SEPTIN9: variants seen among roughly 807,000 people sequenced by gnomAD.
The protein encoded by SEPTIN9 is septin-9.
A neutral mutation model predicts 56.6 loss-of-function variants in SEPTIN9; 13 were observed. The observed-to-expected ratio is 0.23, with a 90% CI of 0.15 to 0.37. The LOEUF is 0.37. Among genes scored for constraint, SEPTIN9 ranks in the 10% least tolerant of loss-of-function variants. The probability of loss-of-function intolerance (pLI) is 1.00; values close to 1 mark genes in which losing one functional copy is unlikely to be tolerated. For synonymous variants in SEPTIN9, 332 were observed against 334.1 expected (o/e 0.99, Z 0.07); for missense variants, 650 against 823.1 (o/e 0.79, Z 2.57).
At chr17:77,391,631 G>A (rs552655806) in intron 2 of SEPTIN9, among the ~76,000 whole-genome samples, 3 of 152,298 alleles carry the variant, frequency 2.0e-5, no homozygotes, top group Admixed American at 6.5e-5. Flanking sequence ...AAGACATATC[G>A]TTTTGGGGGA....
chr17:77,440,048 A>G (rs1468603120), intron 3 of SEPTIN9, among the ~76,000 whole-genome samples: 3 of 152,084 alleles, frequency 2.0e-5, no homozygotes, highest in African/African-American at 7.2e-5. Context: ...GCAGGGAGGG[A>G]AGGAATGAAG....
rs1176575968 is a variant in SEPTIN9, at chr17:77,313,587, G to T, written c.76+6390G>T. Among the ~76,000 whole-genome samples the T allele has an allele frequency of 6.6e-6, 1 of 152,132 alleles. No homozygotes were observed. Among genetic ancestry groups the T allele is most frequent in the Non-Finnish European group, 1.5e-5 (1 of 67,990 alleles). ...GGGCCAGGCTGGGGCCAGCCTGGAG[G>T]GTCTTGGCTGGCTCTGCTGGCAGGT... On this transcript the variant is annotated intron_variant, in intron 2 of 11. Transcript: ENST00000427177. The surrounding 1 kb of genome is among the most constrained non-coding windows in gnomAD (Gnocchi z 4.5).
At chr17:77,420,159 T>G (rs947652686) in intron 3 of SEPTIN9, among the ~76,000 whole-genome samples, 8 of 152,166 alleles carry the variant, frequency 5.3e-5, no homozygotes, top group Non-Finnish European at 1.2e-4. Context: ...GACAGCCTGG[T>G]CAGGCTGCAG....
intron 2 of SEPTIN9, among the ~76,000 whole-genome samples, chr17:77,365,320 CTT>C (rs1012774777): frequency 3.3e-5 from 5 of 152,074 alleles, no homozygotes; most frequent in African/African-American, 1.2e-4. Flanking sequence ...CTTTCTCTCT[CTT>C]TCTCTCTTTC....
Position 77,451,620 on chromosome 17 carries a change from G to A in SEPTIN9, c.722-30524G>A. On this transcript the variant is annotated intron_variant, in intron 3 of 11. Coordinates refer to ENST00000427177, the MANE Select transcript of SEPTIN9 (RefSeq NM_001113491.2). The surrounding 1 kb of genome is among the most constrained non-coding windows in gnomAD (Gnocchi z 4.2). ...CCGCGAGGCGGACCCTGATGGCCAT[G>A]GTGGCGGTGCCGGGAGCCACGCTGT... is the stretch of plus-strand genomic sequence containing the variant. The A allele has an allele frequency of 1.1e-6, 1 of 920,672 alleles. No individual in the cohort carries two copies. The highest frequency in any genetic ancestry group is 1.3e-6 in the Non-Finnish European group (1 of 770,808). The allele number at this position is 920,672 out of a possible 1,614,324, so 57.0% of individuals were successfully genotyped here.
In SEPTIN9 at chr17:77,347,271, G is replaced by A. The variant is rs183743419; in HGVS notation, c.76+40074G>A. 7.3e-5 allele frequency among the ~76,000 whole-genome samples: 11 copies of A among 151,688 alleles called. No individual in the cohort carries two copies. In the East Asian group the frequency reaches 1.8e-3, roughly 24 times the overall value. ...CAGGCTCCTGTAATCCCAGCTACTCGGGAGGCTGAGGCAGGAGAATCGCTT... is the reference window on the plus strand; with the variant it reads ...CAGGCTCCTGTAATCCCAGCTACTCAGGAGGCTGAGGCAGGAGAATCGCTT... On this transcript the variant is annotated intron_variant, in intron 2 of 11. Transcript: ENST00000427177.
At chr17:77,321,303 G>C (rs555243962) in intron 2 of SEPTIN9, among the ~76,000 whole-genome samples, 1 of 152,034 alleles carries the variant, frequency 6.6e-6, no homozygotes, top group African/African-American at 2.4e-5. Flanking sequence ...TGTGTGTGTT[G>C]GGGGGTCCCT....
At chr17:77,333,481 C>T (rs905788008) in intron 2 of SEPTIN9, among the ~76,000 whole-genome samples, 2 of 152,216 alleles carry the variant, frequency 1.3e-5, no homozygotes, top group African/African-American at 4.8e-5. Flanking sequence ...CCTGCCTCTG[C>T]CTCCCCAAGA....
At chr17:77,410,258 G>A (rs990545704) in intron 3 of SEPTIN9, among the ~76,000 whole-genome samples, 1 of 152,184 alleles carries the variant, frequency 6.6e-6, no homozygotes, top group Non-Finnish European at 1.5e-5. Flanking sequence ...GCTACTGGGT[G>A]TACTCTGTGG....
intron 3 of SEPTIN9, among the ~76,000 whole-genome samples, chr17:77,440,308 C>A (rs2144336419): frequency 6.6e-6 from 1 of 152,240 alleles, no homozygotes; most frequent in Non-Finnish European, 1.5e-5. Flanking sequence ...GCGCCCACCA[C>A]CACGCCCGGC....
intron 3 of SEPTIN9, among the ~76,000 whole-genome samples, chr17:77,458,599 A>T (rs2038320977): frequency 6.6e-6 from 1 of 152,236 alleles, no homozygotes. Context: ...TTTTGAGGAC[A>T]AACGGGGATG....
chr17:77,468,122 G>A (rs1347562022), intron 3 of SEPTIN9, among the ~76,000 whole-genome samples: 3 of 152,032 alleles, frequency 2.0e-5, no homozygotes, highest in African/African-American at 4.8e-5. Flanking sequence ...AAAATTAGCC[G>A]GGCGTGGTGG....
rs1467326580 is a variant in SEPTIN9, at chr17:77,371,548, G to A, written c.77-30511G>A. 1.3e-5 allele frequency among the ~76,000 whole-genome samples: 2 copies of A among 152,186 alleles called. No individual in the cohort carries two copies. Among genetic ancestry groups the A allele is most frequent in the Admixed American group, 6.5e-5 (1 of 15,288 alleles). On this transcript the variant is annotated intron_variant, in intron 2 of 11. Transcript: ENST00000427177. The surrounding 1 kb of genome is among the most constrained non-coding windows in gnomAD (Gnocchi z 4.1). Reference sequence around the variant, plus strand: ...GACCCGGCATCTTCCCAGGGGGGCTGTGTTGTTGGGCTGAGTTTCTTAGGT... The same window carrying A: ...GACCCGGCATCTTCCCAGGGGGGCTATGTTGTTGGGCTGAGTTTCTTAGGT...
intron 3 of SEPTIN9, among the ~76,000 whole-genome samples, chr17:77,418,267 C>A (rs1274582066): frequency 1.3e-5 from 2 of 152,180 alleles, no homozygotes; most frequent in Admixed American, 6.5e-5. Flanking sequence ...CCAGTCCCTG[C>A]CCCTCAGATG....
In SEPTIN9 at chr17:77,371,486, G is replaced by A. The variant is rs540691065; in HGVS notation, c.77-30573G>A. Among the ~76,000 whole-genome samples the A allele has an allele frequency of 2.0e-5, 3 of 152,332 alleles. No individual in the cohort carries two copies. Among genetic ancestry groups the A allele is most frequent in the African/African-American group, 7.2e-5 (3 of 41,570 alleles). On this transcript the variant is annotated intron_variant, in intron 2 of 11. Transcript: ENST00000427177. The surrounding 1 kb of genome is among the most constrained non-coding windows in gnomAD (Gnocchi z 4.1). ...CCAGGTGCTTTTTAGAAAAACACTC[G>A]AGAATAATGCTGTGGCTTAGGATGG...
At chr17:77,372,848 G>A (rs1301191544) in intron 2 of SEPTIN9, among the ~76,000 whole-genome samples, 3 of 152,244 alleles carry the variant, frequency 2.0e-5, no homozygotes, top group Admixed American at 6.5e-5. Context: ...CCCACAGGCC[G>A]GGATCCTGCC....
chr17:77,459,064 C>A lies in SEPTIN9; in HGVS notation c.722-23080C>A, dbSNP rs373818540. On this transcript the variant is annotated intron_variant, in intron 3 of 11. Coordinates refer to ENST00000427177, the MANE Select transcript of SEPTIN9 (RefSeq NM_001113491.2). ...TGGAGGCAGTGAACGGGGCCACGGT[C>A]GGCCCCACACGTGGCACCACCAGCC... is the stretch of plus-strand genomic sequence containing the variant. Among the ~76,000 whole-genome samples the A allele has an allele frequency of 2.6e-5, 4 of 152,320 alleles. No individual in the cohort carries two copies. In the East Asian group the frequency reaches 5.8e-4, roughly 22 times the overall value.
In SEPTIN9 at chr17:77,482,323, A is replaced by T; in HGVS notation, c.901A>T (p.Ile301Phe). 6.2e-7 allele frequency: 1 copy of T among 1,612,580 alleles called. No individual in the cohort carries two copies. The highest frequency in any genetic ancestry group is 8.5e-7 in the Non-Finnish European group (1 of 1,179,856). Residue 301 changes from isoleucine (I) to phenylalanine (F), a missense_variant, in exon 4 of 12, where the codon ATC becomes TTC. Physicochemically the swap from Ile to Phe is conservative, Grantham distance 21 (BLOSUM62 0). Coordinates refer to ENST00000427177, the MANE Select transcript of SEPTIN9 (RefSeq NM_001113491.2). ...CATGAAGCAGGGCTTCGAGTTCAAC[A>T]TCATGGTGGTCGGTGAGTCCTCACC... ...KAMKQGFEFN[I>F]MVVGQSGLGK...
chr17:77,374,749 G>A (rs1043004360), intron 2 of SEPTIN9: 1 of 152,434 alleles, frequency 6.6e-6, no homozygotes, highest in Non-Finnish European at 1.5e-5. Context: ...CCCTATCTGA[G>A]TGGGGGAGGC....
Sources: allele counts gnomAD v4.1 joint callset (sites outside exome capture counted in the v4.1 genomes callset), GRCh38; gene constraint gnomAD v4.1.1; non-coding constraint Gnocchi (gnomAD v3.1); transcripts MANE v1.5; gene names NCBI Gene and HGNC (gene_info 2026-07-23, HGNC 2026-07-21).